Variants in CRAMP1 observed in about 807,000 individuals in gnomAD.
The protein encoded by CRAMP1 is cramped chromatin regulator 1.
Under a neutral mutation model 115.4 loss-of-function variants are expected in CRAMP1, and 50 were observed. The observed-to-expected ratio is 0.43, with a 90% CI of 0.35 to 0.55. The LOEUF is 0.55. Among genes scored for constraint, CRAMP1 ranks in the 20% least tolerant of loss-of-function variants. The probability of loss-of-function intolerance (pLI) is 0.01; values close to 1 mark genes in which losing one functional copy is unlikely to be tolerated. For missense variants in CRAMP1, 1,679 were observed against 1,721.7 expected (o/e 0.98, Z 0.44); for synonymous variants, 866 against 745.4 (o/e 1.16, Z -2.64).
intron 3 of CRAMP1, among the ~76,000 whole-genome samples, chr16:1,628,042 C>G (rs2036520662): frequency 6.6e-6 from 1 of 152,120 alleles, no homozygotes; most frequent in Non-Finnish European, 1.5e-5. Context: ...CACCCTTTAC[C>G]CTTATTCAAG....
At position 1,672,351 on chromosome 16, in the gene CRAMP1, C is replaced by T. The variant is rs1164082844; in HGVS notation, c.3646-1530C>T. ...ATCAGCGTTTAGCATGAGATTTTCC[C>T]GAGAGCCCTCCACTCAGAACGTGAG... On this transcript the variant is annotated intron_variant, in intron 20 of 20. Coordinates refer to ENST00000397412, the MANE Select transcript of CRAMP1 (RefSeq NM_020825.4). The surrounding 1 kb of genome is among the most constrained non-coding windows in gnomAD (Gnocchi z 4.9). Among the ~76,000 whole-genome samples, 4 of 152,092 alleles carry T rather than the reference C, an allele frequency of 2.6e-5. No homozygotes were observed. Among genetic ancestry groups the T allele is most frequent in the East Asian group, 3.9e-4 (2 of 5,194 alleles).
intron 2 of CRAMP1, chr16:1,620,681 C>T (rs531408546): frequency 8.1e-5 from 37 of 456,748 alleles, no homozygotes; most frequent in African/African-American, 6.2e-4. Flanking sequence ...CTATTAGCCG[C>T]GTGCCTTTCG....
At position 1,662,513 on chromosome 16, in the gene CRAMP1, C is replaced by T. The variant is rs1596496675; in HGVS notation, c.2437C>T (p.Leu813Phe). Reference protein sequence around the residue: ...SSGLRNPPRPLLVPGPSSTGS... With the variant: ...SSGLRNPPRPFLVPGPSSTGS... ...AGGTTTGAGAAACCCTCCAAGACCC[C>T]TCTTGGTGCCTGGTCCCTCCAGCAC... Residue 813 changes from leucine (L) to phenylalanine (F), a missense_variant, in exon 12 of 21, where the codon CTC becomes TTC. By Grantham distance (22) the Leu-to-Phe change is conservative. Around this residue, in one of 8 missense-constraint regions of CRAMP1, gnomAD observed 709 missense variants for 741.9 expected, o/e 0.96. Coordinates refer to ENST00000397412, the MANE Select transcript of CRAMP1 (RefSeq NM_020825.4). 6.2e-7 allele frequency: 1 copy of T among 1,613,956 alleles called. No individual in the cohort carries two copies. The highest frequency in any genetic ancestry group is 8.5e-7 in the Non-Finnish European group (1 of 1,179,852).
At chr16:1,644,433 GGT>G (rs2036657059) in intron 6 of CRAMP1, among the ~76,000 whole-genome samples, 2 of 152,190 alleles carry the variant, frequency 1.3e-5, no homozygotes, top group Middle Eastern at 3.2e-3. Flanking sequence ...TGACAGCTGT[GGT>G]GTGGCAGCTG....
rs1183355498 is a variant in CRAMP1 at position 1,674,036 on chromosome 16, G to C, written c.3801G>C (p.Leu1267=). ...GAGGCGGCCCCGCTGTCAGTGACCT[G>C]TCCCAGTGACCACACGTCCTGGTGG... ...GGGGGPAVSD[L]SQ Residue 1267 remains leucine, a synonymous_variant, in exon 21 of 21, where the codon CTG becomes CTC. Transcript: ENST00000397412. 6.2e-7 allele frequency: 1 copy of C among 1,611,818 alleles called. No individual in the cohort carries two copies. Among genetic ancestry groups the C allele is most frequent in the African/African-American group, 1.3e-5 (1 of 74,872 alleles).
At chr16:1,613,669 T>C (rs2036385554) in intron 1 of CRAMP1, among the ~76,000 whole-genome samples, 1 of 152,238 alleles carries the variant, frequency 6.6e-6, no homozygotes, top group Non-Finnish European at 1.5e-5. Flanking sequence ...GTTGACATTT[T>C]ACAGGGCGGT....
Position 1,667,356 on chromosome 16 carries a change from A to G in CRAMP1, c.3058A>G (p.Ile1020Val), listed in dbSNP as rs1307189316. 1 of 1,613,280 alleles carries G rather than the reference A, an allele frequency of 6.2e-7. No homozygotes were observed. The highest frequency in any genetic ancestry group is 2.2e-5 in the East Asian group (1 of 44,876). ...TVGGSDPFVS[I>V]PSRPEQEPVA... ...GCAGGGCTCCGACCCATTTGTCAGC[A>G]TCCCTTCGAGGCCTGAGCAGGAGCC... Residue 1020 changes from isoleucine (I) to valine (V), a missense_variant, in exon 17 of 21, where the codon ATC (isoleucine) becomes GTC (valine). Ile to Val is a conservative substitution (Grantham distance 29, BLOSUM62 3). Transcript: ENST00000397412.
intron 6 of CRAMP1, among the ~76,000 whole-genome samples, chr16:1,649,885 C>T (rs2036709017): frequency 6.7e-6 from 1 of 149,360 alleles, no homozygotes; most frequent in South Asian, 2.1e-4. Flanking sequence ...CCTCTGCCTC[C>T]TGGGTTCGAG....
At chr16:1,630,603 G>A (rs1231974209) in intron 3 of CRAMP1, among the ~76,000 whole-genome samples, 1 of 152,198 alleles carries the variant, frequency 6.6e-6, no homozygotes, top group African/African-American at 2.4e-5. Flanking sequence ...TTTGCAGGCG[G>A]TATTCAGATT....
At chr16:1,646,674 AGTCT>A (rs2036676984) in intron 6 of CRAMP1, among the ~76,000 whole-genome samples, 1 of 152,210 alleles carries the variant, frequency 6.6e-6, no homozygotes, top group South Asian at 2.1e-4. Context: ...GATGAAGTCA[AGTCT>A]GTCACTGTTT....
chr16:1,637,945 CT>C, intron 5 of CRAMP1, 38 bp downstream of exon 5: 1 of 1,109,472 alleles, frequency 9.0e-7, no homozygotes, highest in Non-Finnish European at 1.3e-6. Flanking sequence ...ACGGCTCCTC[CT>C]GTCCTTTGTC....
intron 18 of CRAMP1, 34 bp downstream of exon 18, chr16:1,668,227 C>A: frequency 6.9e-7 from 1 of 1,450,662 alleles, no homozygotes; most frequent in South Asian, 1.1e-5. Context: ...CCCTTCCTGT[C>A]ATCAGGTGTT....
chr16:1,668,884 G>T, intron 18 of CRAMP1, 117 bp from the exon 19 acceptor site: 2 of 909,890 alleles, frequency 2.2e-6, no homozygotes, highest in Admixed American at 5.0e-5. Flanking sequence ...CCATCCATCT[G>T]GTTCAGCAGG....
chr16:1,614,799 GCCGGCGCCGACGGCCCCCCCGCGCCCC>G lies in CRAMP1; in HGVS notation c.168_194del (p.Asp57_Ala65del). ...AAAGAGGGACGAGAAGACCCCCCGG[GCCGGCGCCGACGGCCCCCCCGCGCCCC>G]CCGGCGCGCCGCAGGCGCCGTCCCC... On this transcript the variant is annotated inframe_deletion, in exon 2 of 21. Transcript: ENST00000397412. This position sits in a 1 kb window ranked among gnomAD's most constrained non-coding sequence, Gnocchi z 4.4. The G allele has an allele frequency of 7.7e-7, 1 of 1,294,064 alleles. No homozygotes were observed. Among genetic ancestry groups the G allele is most frequent in the Non-Finnish European group, 9.8e-7 (1 of 1,022,520 alleles). The allele number at this position is 1,294,064 out of a possible 1,614,324, so 80.2% of individuals were successfully genotyped here.
Position 1,614,975 on chromosome 16 carries a change from C to T in CRAMP1, c.336C>T (p.Pro112=). 1 of 1,254,336 alleles carries T rather than the reference C, an allele frequency of 8.0e-7. No homozygotes were observed. The highest frequency in any genetic ancestry group is 1.0e-6 in the Non-Finnish European group (1 of 998,800). 77.7% of individuals were successfully genotyped at this position (1,254,336 alleles called of 1,614,324 possible). Residue 112 remains proline, a synonymous_variant, in exon 2 of 21, where the codon CCC becomes CCT. Transcript: ENST00000397412. The surrounding 1 kb of genome is among the most constrained non-coding windows in gnomAD (Gnocchi z 4.4). ...VGSGNAGGSG[P]RGKGAEGGGS... ...GCGGCAACGCCGGTGGCTCGGGGCC[C>T]CGCGGAAAAGGTAGGGCGGCCCGTC...
intron 2 of CRAMP1, among the ~76,000 whole-genome samples, chr16:1,620,394 T>C (rs1441301204): frequency 6.6e-6 from 1 of 152,122 alleles, no homozygotes; most frequent in Non-Finnish European, 1.5e-5. Flanking sequence ...GTGTCGCCAG[T>C]GCCTTTCTAG....
At chr16:1,624,693 C>T (rs1268175564) in intron 2 of CRAMP1, among the ~76,000 whole-genome samples, 7 of 152,190 alleles carry the variant, frequency 4.6e-5, no homozygotes, top group African/African-American at 1.7e-4. Flanking sequence ...ATTCTCCTGC[C>T]TCAGCCCCTC....
chr16:1,673,300 T>C (rs2036937781), intron 20 of CRAMP1, among the ~76,000 whole-genome samples: 1 of 142,978 alleles, frequency 7.0e-6, no homozygotes, highest in Non-Finnish European at 1.5e-5. Context: ...CCTGTCCTCA[T>C]GTCTATGACA....
intron 10 of CRAMP1, 113 bp from the exon 11 acceptor site, chr16:1,659,773 T>C: frequency 9.5e-7 from 1 of 1,051,234 alleles, no homozygotes; most frequent in Non-Finnish European, 1.4e-6. Flanking sequence ...TTTGCCGTCA[T>C]GACACTGTGC....
Sources: allele counts gnomAD v4.1 joint callset (sites outside exome capture counted in the v4.1 genomes callset), GRCh38; gene constraint gnomAD v4.1.1; regional missense constraint gnomAD v4.1.1; non-coding constraint Gnocchi (gnomAD v3.1); transcripts MANE v1.5; gene names NCBI Gene and HGNC (gene_info 2026-07-23, HGNC 2026-07-21).